The following PPP1R16A variants were observed in gnomAD, a reference collection of about 807,000 sequenced individuals.
The protein encoded by PPP1R16A is protein phosphatase 1 regulatory subunit 16A.
A neutral mutation model predicts 46.6 loss-of-function variants in PPP1R16A; 39 were observed. The observed-to-expected ratio is 0.84, with a 90% confidence interval of 0.65 to 1.09. The LOEUF (loss-of-function observed/expected upper bound fraction) is 1.09, where lower values mean the gene tolerates loss of function less well. Ranked by LOEUF, PPP1R16A falls within the 50% of genes least tolerant of loss-of-function variation. The pLI is 0.00. For synonymous variants in PPP1R16A, 413 were observed against 321.5 expected (o/e 1.28, Z -3.04); for missense variants, 798 against 735.6 (o/e 1.08, Z -0.98).
chr8:144,480,070 T>C (rs918631464), intron 1 of PPP1R16A, among the ~76,000 whole-genome samples: 2 of 152,216 alleles, frequency 1.3e-5, no homozygotes, highest in East Asian at 1.9e-4. Flanking sequence ...GATAAGAGAA[T>C]GACAAGGTAA....
chr8:144,499,890 G>C (rs977195293), intron 5 of PPP1R16A: 1 of 576,952 alleles, frequency 1.7e-6, no homozygotes, highest in South Asian at 2.1e-5. Flanking sequence ...TGGATGGATA[G>C]AGACTGCAGG....
rs774615837 is a variant in PPP1R16A at position 144,501,208 on chromosome 8, C to G, written c.1117C>G (p.Gln373Glu). Residue 373 changes from glutamine (Q) to glutamate (E), a missense_variant, in exon 11 of 12, where the codon CAA becomes GAA. Transcript: ENST00000435887. ...KQHAQEAIVWQQPPPTSPEPP... is the reference protein window; with the variant it reads ...KQHAQEAIVWEQPPPTSPEPP... ...GCACGCCCAGGAGGCCATCGTGTGG[C>G]AACAGCCGCCGCCCACCAGCCCGGA... is the stretch of plus-strand genomic sequence containing the variant. 5.6e-6 allele frequency: 9 copies of G among 1,608,754 alleles called. No homozygotes were observed. Among genetic ancestry groups the G allele is most frequent in the Non-Finnish European group, 7.6e-6 (9 of 1,179,490 alleles).
chr8:144,487,130 G>A (rs1380314483), intron 1 of PPP1R16A, among the ~76,000 whole-genome samples: 1 of 152,088 alleles, frequency 6.6e-6, no homozygotes, highest in Non-Finnish European at 1.5e-5. Context: ...TGGGACTACA[G>A]GTGTGTGGCA....
In PPP1R16A at chr8:144,500,881, A is replaced by G. The variant is rs1826401975; in HGVS notation, c.947A>G (p.Glu316Gly). The change falls in exon 10 of 12, where the codon GAG (glutamate) becomes GGG (glycine). Residue 316 changes from glutamate (E) to glycine (G), a missense_variant. By Grantham distance (98) the Glu-to-Gly change is moderately conservative. Coordinates refer to ENST00000435887, the MANE Select transcript of PPP1R16A (RefSeq NM_001329443.2). Reference sequence around the variant, plus strand: ...GAGGAGGTGCGGGCCAAGCTGCTGGAGCTGAAGCACAAGCACGACGCCCTC... The same window carrying G: ...GAGGAGGTGCGGGCCAAGCTGCTGGGGCTGAAGCACAAGCACGACGCCCTC... The part of the protein sequence containing the change: ...GDEEVRAKLL[E>G]LKHKHDALLR... The G allele has an allele frequency of 6.4e-7, 1 of 1,558,014 alleles. No homozygotes were observed. Among genetic ancestry groups the G allele is most frequent in the Admixed American group, 1.9e-5 (1 of 52,712 alleles).
chr8:144,492,659 C>G (rs937968495), intron 2 of PPP1R16A, among the ~76,000 whole-genome samples: 1 of 151,754 alleles, frequency 6.6e-6, no homozygotes, highest in Non-Finnish European at 1.5e-5. Context: ...TGGAGGTGCA[C>G]CTTACTGAGG....
chr8:144,482,085 G>A (rs1460470542), intron 1 of PPP1R16A, among the ~76,000 whole-genome samples: 1 of 151,862 alleles, frequency 6.6e-6, no homozygotes, highest in Non-Finnish European at 1.5e-5. Context: ...TGCCGCCGCC[G>A]CCGCCGCCGC....
intron 3 of PPP1R16A, 72 bp from the exon 4 acceptor site, chr8:144,498,698 C>T (rs1826230486): frequency 6.9e-7 from 1 of 1,458,942 alleles, no homozygotes; most frequent in South Asian, 1.4e-5. Flanking sequence ...TCCCTGGGTC[C>T]TGGGCCGAAG....
chr8:144,478,109 G>C lies in PPP1R16A; in HGVS notation c.-932G>C, dbSNP rs1054302280. 1 of 395,478 alleles carries C rather than the reference G, an allele frequency of 2.5e-6. No homozygotes were observed. The highest frequency in any genetic ancestry group is 2.1e-5 in the African/African-American group (1 of 48,466). The allele number at this position is 395,478 out of a possible 1,614,324, so 24.5% of individuals were successfully genotyped here. On this transcript the variant is annotated 5_prime_UTR_variant, in exon 1 of 12. Transcript: ENST00000435887. Reference sequence around the variant, plus strand: ...AAGCCAGCGGACCCACTTGTGCGGCGGTCGGCGCGGGGCGCGAGGTGAGGC... The same window carrying C: ...AAGCCAGCGGACCCACTTGTGCGGCCGTCGGCGCGGGGCGCGAGGTGAGGC...
chr8:144,494,172 G>T (rs911347972), intron 2 of PPP1R16A, among the ~76,000 whole-genome samples: 4 of 152,106 alleles, frequency 2.6e-5, no homozygotes, highest in African/African-American at 9.7e-5. Context: ...GGGTCTCGCT[G>T]TATTGCCCAG....
At chr8:144,478,245 G>C in intron 1 of PPP1R16A, 118 bp downstream of exon 1, 1 of 386,352 alleles carries the variant, frequency 2.6e-6, no homozygotes. Flanking sequence ...CGAGAGAGGA[G>C]GCCGGGCCGG....
At chr8:144,499,970 G>A in intron 5 of PPP1R16A, 126 bp from the exon 6 acceptor site, 1 of 904,940 alleles carries the variant, frequency 1.1e-6, no homozygotes. Flanking sequence ...CCCAGCAGCA[G>A]GTGGACAGGG....
In PPP1R16A at chr8:144,496,799, A is replaced by C. The variant is rs1454628574; in HGVS notation, c.-396A>C. 2 of 270,890 alleles carry C rather than the reference A, an allele frequency of 7.4e-6. No individual in the cohort carries two copies. The highest frequency in any genetic ancestry group is 1.5e-5 in the Non-Finnish European group (2 of 137,534). The allele number at this position is 270,890 out of a possible 1,614,324, so 16.8% of individuals were successfully genotyped here. A position where few individuals can be genotyped will look rare whatever the true frequency, so the allele number is the denominator to read the frequency against. ...GCCCTGCCCTCCCTTCCCCCTCAGC[A>C]GGGTGCCCGGAAGCTGGAACCTTGT... On this transcript the variant is annotated 5_prime_UTR_variant, in exon 3 of 12. Coordinates refer to ENST00000435887, the MANE Select transcript of PPP1R16A (RefSeq NM_001329443.2).
Position 144,498,784 on chromosome 8 carries a change from G to T in PPP1R16A, c.274G>T (p.Gly92Trp), listed in dbSNP as rs1026446024. ...CCTTTTTGCAGTCCGCCAGTTCCTT[G>T]GGAGTGGGGTCAGCCCTGACTTGGC... ...NDLEEVRQFL[G>W]SGVSPDLANE... The change falls in exon 4 of 12, where the codon GGG (glycine) becomes TGG (tryptophan). Residue 92 changes from glycine (G) to tryptophan (W), a missense_variant. Coordinates refer to ENST00000435887, the MANE Select transcript of PPP1R16A (RefSeq NM_001329443.2). The T allele has an allele frequency of 1.9e-6, 3 of 1,590,682 alleles. No individual in the cohort carries two copies. The highest frequency in any genetic ancestry group is 2.6e-6 in the Non-Finnish European group (3 of 1,162,862).
intron 1 of PPP1R16A, chr8:144,478,727 G>A (rs1225446355): frequency 6.6e-6 from 1 of 152,284 alleles, no homozygotes; most frequent in Non-Finnish European, 1.5e-5. Context: ...CTCACTTGTA[G>A]TGCGGGGCGT....
chr8:144,501,249 CGATGACCGCCA>C lies in PPP1R16A; in HGVS notation c.1161_1171del (p.Asp388ArgfsTer67). 1 of 1,604,082 alleles carries C rather than the reference CGATGACCGCCA, an allele frequency of 6.2e-7. No individual in the cohort carries two copies. The highest frequency in any genetic ancestry group is 1.7e-5 in the Admixed American group (1 of 59,724). ...CCAGCCCGGAGCCGCCCGAGGACAA[CGATGACCGCCA>C]GACAGGCGCAGAGCTCAGGCCGCCG... On this transcript the variant is annotated frameshift_variant, in exon 11 of 12. Coordinates refer to ENST00000435887, the MANE Select transcript of PPP1R16A (RefSeq NM_001329443.2). LOFTEE classifies it low-confidence loss of function (END_TRUNC).
At chr8:144,498,135 A>G in intron 3 of PPP1R16A, 1 of 453,728 alleles carries the variant, frequency 2.2e-6, no homozygotes, top group South Asian at 1.6e-5. Flanking sequence ...GCATCTTTCC[A>G]TGTGGACAGG....
chr8:144,486,555 G>T (rs1158897726), intron 1 of PPP1R16A, among the ~76,000 whole-genome samples: 1 of 152,182 alleles, frequency 6.6e-6, no homozygotes, highest in African/African-American at 2.4e-5. Flanking sequence ...GTTTGGATTC[G>T]TGGGCAGCGG....
In PPP1R16A at chr8:144,485,953, T is replaced by C. The variant is rs540946084; in HGVS notation, c.-913-4081T>C. 1.6e-4 allele frequency among the ~76,000 whole-genome samples: 25 copies of C among 152,218 alleles called. No homozygotes were observed. In the South Asian group the frequency reaches 5.2e-3, roughly 32 times the overall value. On this transcript the variant is annotated intron_variant, in intron 1 of 11. Transcript: ENST00000435887. ...GTGCTGCAGGGTGTGGGCGTTGAGG[T>C]CGGCGTGATGTCCTGAGGTCCATCC...
chr8:144,495,129 G>A lies in PPP1R16A; in HGVS notation c.-734-1332G>A, dbSNP rs966195771. ...GTCAGGGCCACTGGCCTTATTGGCC[G>A]TGTCCTCAGGAAGCCTCTGAGGCTA... On this transcript the variant is annotated intron_variant, in intron 2 of 11. Transcript: ENST00000435887. 7.2e-5 allele frequency among the ~76,000 whole-genome samples: 11 copies of A among 152,190 alleles called. No homozygotes were observed. In the South Asian group the frequency reaches 8.3e-4, roughly 11 times the overall value.
Sources: allele counts gnomAD v4.1 joint callset (sites outside exome capture counted in the v4.1 genomes callset), GRCh38; gene constraint gnomAD v4.1.1; transcripts MANE v1.5; gene names NCBI Gene and HGNC (gene_info 2026-07-23, HGNC 2026-07-21).